MUC6: variants seen among roughly 807,000 people sequenced by gnomAD.
MUC6 encodes mucin-6.
In MUC6, 188 loss-of-function variants were observed where a neutral mutation model predicts 201.5. That is an observed-to-expected ratio of 0.93 (90% CI 0.83 to 1.05). The LOEUF (loss-of-function observed/expected upper bound fraction) is 1.05. Ranked by LOEUF, MUC6 falls within the 50% of genes least tolerant of loss-of-function variation. The pLI, the probability that MUC6 is intolerant of heterozygous loss-of-function variation, is 0.00. For missense variants in MUC6, 2,706 were observed against 3,256.9 expected (o/e 0.83, Z 4.12); for synonymous variants, 1,228 against 1,389.4 (o/e 0.88, Z 2.58).
chr11:1,024,034 C>G lies in MUC6; in HGVS notation c.3295G>C (p.Glu1099Gln). 6.2e-7 allele frequency: 1 copy of G among 1,611,338 alleles called. No homozygotes were observed. Among genetic ancestry groups the G allele is most frequent in the Non-Finnish European group, 8.5e-7 (1 of 1,179,388 alleles). Reference sequence around the variant, plus strand: ...GCAGCCACGGCATCGCACAGACACTCACAGTCCCCGCCACTGTCACACCCA... The same window carrying G: ...GCAGCCACGGCATCGCACAGACACTGACAGTCCCCGCCACTGTCACACCCA... ...ACGCDSGGDCECLCDAVAAYA... is the reference protein window; with the variant it reads ...ACGCDSGGDCQCLCDAVAAYA... The change falls in exon 25 of 33, where the codon GAG becomes CAG. Residue 1099 changes from glutamate to glutamine, a missense_variant. Physicochemically the swap from Glu to Gln is conservative, Grantham distance 29. Coordinates refer to ENST00000421673, the MANE Select transcript of MUC6 (RefSeq NM_005961.3).
chr11:1,030,366 T>TTCCCCCCC, intron 7 of MUC6, 31 bp from the exon 8 acceptor site: 4 of 1,489,596 alleles, frequency 2.7e-6, no homozygotes, highest in South Asian at 1.2e-5. Context: ...GGTGAGAGGG[T>TTCCCCCCC]CCCACCCCCC....
At position 1,029,299 on chromosome 11, in the gene MUC6, C is replaced by A; in HGVS notation, c.1204G>T (p.Gly402Cys). 1 of 1,606,568 alleles carries A rather than the reference C, an allele frequency of 6.2e-7. No homozygotes were observed. The highest frequency in any genetic ancestry group is 8.5e-7 in the Non-Finnish European group (1 of 1,177,466). The change falls in exon 10 of 33, where the codon GGC (glycine) becomes TGC (cysteine). Residue 402 changes from glycine to cysteine, a missense_variant. Coordinates refer to ENST00000421673, the MANE Select transcript of MUC6 (RefSeq NM_005961.3). Reference protein sequence around the residue: ...PCPGHCSLEGGSFVTTFDARP... With the variant: ...PCPGHCSLEGCSFVTTFDARP... ...GCGTCAAATGTGGTAACAAAGGAGC[C>A]ACCTTCCAGGGAGCAGTGTCCGGGG...
intron 2 of MUC6, among the ~76,000 whole-genome samples, chr11:1,032,586 GTGTT>G (rs1385621370): frequency 6.6e-6 from 1 of 151,918 alleles, no homozygotes; most frequent in Non-Finnish European, 1.5e-5. Context: ...GGGTGTGTGT[GTGTT>G]GGGTGCGTGC....
In MUC6 at chr11:1,036,687, C is replaced by A; in HGVS notation, c.-32G>T. ...CAGTGGAGAGGAGCTCGCGCTGGGCCCGGCAGGCCTGCTGCTGCCATCCAT... is the reference window on the plus strand; with the variant it reads ...CAGTGGAGAGGAGCTCGCGCTGGGCACGGCAGGCCTGCTGCTGCCATCCAT... On this transcript the variant is annotated 5_prime_UTR_variant, in exon 1 of 33. Coordinates refer to ENST00000421673, the MANE Select transcript of MUC6 (RefSeq NM_005961.3). 6.5e-7 allele frequency: 1 copy of A among 1,542,154 alleles called. No individual in the cohort carries two copies.
At chr11:1,019,995 G>T in intron 29 of MUC6, 95 bp downstream of exon 29, 1 of 1,436,224 alleles carries the variant, frequency 7.0e-7, no homozygotes, top group Non-Finnish European at 9.6e-7. Flanking sequence ...GCAGATGTGA[G>T]CCAGGAAGCA....
Position 1,021,229 on chromosome 11 carries a change from AC to A in MUC6, c.3574del (p.Val1192CysfsTer32). Reference sequence around the variant, plus strand: ...ACTGGACTTACTGCAGGGCACGCACACCCCCTCCTCGTGGTCGAAGTACTCA... The same window carrying A: ...ACTGGACTTACTGCAGGGCACGCACACCCCTCCTCGTGGTCGAAGTACTCA... ...QDEYFDHEEG[V>X]CVPCMPPTTP... is the part of the protein sequence containing the mutation. On this transcript the variant is annotated frameshift_variant, in exon 27 of 33. Coordinates refer to ENST00000421673, the MANE Select transcript of MUC6 (RefSeq NM_005961.3). LOFTEE classifies it high-confidence loss of function. 6.3e-7 allele frequency: 1 copy of A among 1,586,608 alleles called. No homozygotes were observed.
chr11:1,022,001 C>T (rs374764005), intron 26 of MUC6, among the ~76,000 whole-genome samples: 1 of 151,544 alleles, frequency 6.6e-6, no homozygotes, highest in Non-Finnish European at 1.5e-5. Flanking sequence ...CGGCCACACC[C>T]CACCCCACAA....
rs201836609 is a variant in MUC6 at position 1,025,771 on chromosome 11, G to A, written c.2799+34C>T. The A allele has an allele frequency of 3.6e-4, 569 of 1,574,700 alleles. 2 individuals carry two copies. The African/African-American group carries it at 6.9e-3, about 19-fold the overall frequency. ...TGTGTGGCAGGGCCCCCTACCGCCC[G>A]TCCTGCCCTGCCAGAGTCTGCCCGG... On this transcript the variant is annotated intron_variant, in intron 22 of 32. Transcript: ENST00000421673.
At position 1,025,072 on chromosome 11, in the gene MUC6, G is replaced by T; in HGVS notation, c.2997C>A (p.Cys999Ter). 2 of 1,612,844 alleles carry T rather than the reference G, an allele frequency of 1.2e-6. No homozygotes were observed. The highest frequency in any genetic ancestry group is 1.7e-6 in the Non-Finnish European group (2 of 1,179,832). The change falls in exon 24 of 33, where the codon TGC becomes TGA. Residue 999 changes from cysteine to a stop codon, truncating the protein, a stop_gained. Coordinates refer to ENST00000421673, the MANE Select transcript of MUC6 (RefSeq NM_005961.3). LOFTEE classifies it high-confidence loss of function. ...TCCCGTTGAAGTTGCCACACAAGCC[G>T]CAGAGGGGATCCTGCAGACGGTGGC... ...RIARASQDPL[C>*]GLCGNFNGNM...
In MUC6 at chr11:1,025,730, G is replaced by A. The variant is rs1856940276; in HGVS notation, c.2799+75C>T. 16 of 1,359,872 alleles carry A rather than the reference G, an allele frequency of 1.2e-5. 1 individual carries two copies. The South Asian group carries it at 2.0e-4, about 17-fold the overall frequency. 84.2% of individuals were successfully genotyped at this position (1,359,872 alleles called of 1,614,324 possible). On this transcript the variant is annotated intron_variant, in intron 22 of 32. Transcript: ENST00000421673. ...CTCGGGGCAGGACCTGGAGGCTCCA[G>A]TGCGCGGGATCCAGCTGTGTGGCAG...
At chr11:1,021,116 A>G in intron 27 of MUC6, 99 bp downstream of exon 27, 5 of 1,205,996 alleles carry the variant, frequency 4.1e-6, no homozygotes, top group Non-Finnish European at 5.6e-6. Context: ...AAGGGCTCAC[A>G]GCCCCCGAGG....
At chr11:1,032,922 C>A in intron 2 of MUC6, 91 bp downstream of exon 2, 2 of 1,179,524 alleles carry the variant, frequency 1.7e-6, no homozygotes, top group Non-Finnish European at 2.4e-6. Context: ...ATGTGTGTGT[C>A]TTGGGGGTGA....
rs1856720017 is a variant in MUC6, at chr11:1,018,283, G to A, written c.4518C>T (p.Thr1506=). ...THTAPPITPT[T]SGTSQAHSSF... ...AGCTGTGGGCTTGGCTGGTCCCACTGGTGGTCGGCGTTATTGGTGGGGCTG... is the reference window on the plus strand; with the variant it reads ...AGCTGTGGGCTTGGCTGGTCCCACTAGTGGTCGGCGTTATTGGTGGGGCTG... The change falls in exon 31 of 33, where the codon ACC becomes ACT. Residue 1506 remains threonine, a synonymous_variant. Transcript: ENST00000421673. 2.5e-6 allele frequency: 4 copies of A among 1,613,908 alleles called. No individual in the cohort carries two copies. The highest frequency in any genetic ancestry group is 2.7e-5 in the African/African-American group (2 of 75,022).
Position 1,019,479 on chromosome 11 carries a change from T to C in MUC6, c.3826A>G (p.Thr1276Ala). Residue 1276 changes from threonine (T) to alanine (A), a missense_variant, in exon 30 of 33, where the codon ACG becomes GCG. Transcript: ENST00000421673. Reference protein sequence around the residue: ...ASSGEPPRPTTAVTPQATSGL... With the variant: ...ASSGEPPRPTAAVTPQATSGL... ...GATGTGGCTTGTGGGGTGACGGCCG[T>C]GGTTGGTCTAGGTGGTTCTGCAGAG... 6.2e-7 allele frequency: 1 copy of C among 1,613,172 alleles called. No homozygotes were observed. Among genetic ancestry groups the C allele is most frequent in the Non-Finnish European group, 8.5e-7 (1 of 1,179,756 alleles).
At chr11:1,031,121 C>T in intron 5 of MUC6, 48 bp downstream of exon 5, 1 of 886,120 alleles carries the variant, frequency 1.1e-6, no homozygotes, top group Non-Finnish European at 1.6e-6. Context: ...TGCCCTGCCC[C>T]CCACCTAGAG....
At position 1,028,884 on chromosome 11, in the gene MUC6, C is replaced by T. The variant is rs758031742; in HGVS notation, c.1453+5G>A. On this transcript the variant is annotated splice_donor_5th_base_variant and intron_variant, in intron 12 of 32. Transcript: ENST00000421673. ...TGGGGGGCCACAGACTGGGCCAGGA[C>T]GTACGAGTCTTGTATGGCAGCCACT... 20 of 1,612,088 alleles carry T rather than the reference C, an allele frequency of 1.2e-5. No individual in the cohort carries two copies. In the East Asian group the frequency reaches 1.6e-4, roughly 13 times the overall value.
In MUC6 at chr11:1,013,594, G is replaced by T; in HGVS notation, c.7182C>A (p.Ser2394Arg). 6.4e-7 allele frequency: 1 copy of T among 1,567,386 alleles called. No individual in the cohort carries two copies. The change falls in exon 33 of 33, where the codon AGC becomes AGA. Residue 2394 changes from serine to arginine, a missense_variant. By Grantham distance (110) the Ser-to-Arg change is moderately radical. This residue lies in a region of MUC6 where 586 missense variants were observed against 488.0 expected (regional missense o/e 1.20). Coordinates refer to ENST00000421673, the MANE Select transcript of MUC6 (RefSeq NM_005961.3). ...CATAGGAGTGGAGGGGGCGGCAGCA[G>T]CTGCAGCGGGCATCCACCTGCTGGG... Reference protein sequence around the residue: ...IITQQVDARCSCCRPLHSYEQ... With the variant: ...IITQQVDARCRCCRPLHSYEQ...
chr11:1,029,102 A>T lies in MUC6; in HGVS notation c.1324T>A (p.Ser442Thr). ...DGALMAVYDK[S>T]GVSHSETSLV... ...GAGGTCTCGGAGTGTGAGACGCCGG[A>T]CTTGTCGTACACAGCCATGAGGGCA... The change falls in exon 11 of 33, where the codon TCC becomes ACC. Residue 442 changes from serine (S) to threonine (T), a missense_variant. This residue lies in a region of MUC6 where 1,850 missense variants were observed against 1,958.3 expected (regional missense o/e 0.94). Transcript: ENST00000421673. 6.2e-7 allele frequency: 1 copy of T among 1,612,640 alleles called. No individual in the cohort carries two copies. The highest frequency in any genetic ancestry group is 8.5e-7 in the Non-Finnish European group (1 of 1,179,792).
In MUC6 at chr11:1,016,934, G is replaced by T; in HGVS notation, c.5867C>A (p.Ser1956Ter). The T allele has an allele frequency of 6.9e-7, 1 of 1,453,224 alleles. No individual in the cohort carries two copies. Among genetic ancestry groups the T allele is most frequent in the African/African-American group, 1.6e-5 (1 of 62,738 alleles). 90.0% of individuals were successfully genotyped at this position (1,453,224 alleles called of 1,614,324 possible). A position where few individuals can be genotyped will look rare whatever the true frequency, so the allele number is the denominator to read the frequency against. ...GTRTPVAHTTSASSSRLPTPF... is the reference protein window; with the variant it reads ...GTRTPVAHTT ...TGTGGGTAGCCTGCTGCTGCTGGCC[G>T]AGGTGGTGTGGGCCACAGGGGTTCT... Residue 1956 changes from serine to a stop codon, truncating the protein, a stop_gained, in exon 31 of 33, where the codon TCG becomes TAG. Transcript: ENST00000421673. LOFTEE classifies it high-confidence loss of function.
Sources: allele counts gnomAD v4.1 joint callset (sites outside exome capture counted in the v4.1 genomes callset), GRCh38; gene constraint gnomAD v4.1.1; regional missense constraint gnomAD v4.1.1; transcripts MANE v1.5; gene names NCBI Gene and HGNC (gene_info 2026-07-23, HGNC 2026-07-21).